GLB1L2: variants seen among roughly 807,000 people sequenced by gnomAD.
GLB1L2 encodes the protein galactosidase beta 1 like 2.
Under a neutral mutation model 84.1 loss-of-function variants are expected in GLB1L2, and 68 were observed. The ratio of observed to expected loss-of-function variants is 0.81; its 90% CI spans 0.67 to 0.99. The LOEUF (loss-of-function observed/expected upper bound fraction) is 0.99. Among genes scored for constraint, GLB1L2 ranks in the 50% least tolerant of loss-of-function variants. The pLI is 0.00. For synonymous variants in GLB1L2, 290 were observed against 318.0 expected, an observed-to-expected ratio of 0.91 and a Z score of 0.94; for missense variants, 762 against 805.6, an observed-to-expected ratio of 0.95 and a Z score of 0.66.
At chr11:134,353,507 T>C (rs1392049651) in intron 5 of GLB1L2, among the ~76,000 whole-genome samples, 3 of 152,214 alleles carry the variant, frequency 2.0e-5, no homozygotes, top group Non-Finnish European at 4.4e-5. Context: ...AAATGTGTAT[T>C]GTGCTACTTT....
chr11:134,349,595 C>T (rs1022623576), intron 5 of GLB1L2, among the ~76,000 whole-genome samples: 2 of 152,198 alleles, frequency 1.3e-5, no homozygotes, highest in Non-Finnish European at 1.5e-5. Flanking sequence ...CACATCCTTG[C>T]CAACACTTGT....
At chr11:134,371,525 G>A in intron 14 of GLB1L2, 33 bp downstream of exon 14, 10 of 1,307,954 alleles carry the variant, frequency 7.6e-6, no homozygotes, top group Non-Finnish European at 1.1e-5. Context: ...GTGATGGCTA[G>A]CCCCCGCTGC....
At chr11:134,364,548 T>A in intron 8 of GLB1L2, 150 bp downstream of exon 8, 1 of 660,596 alleles carries the variant, frequency 1.5e-6, no homozygotes. Context: ...ACTGTGTGCC[T>A]GCAAGGCCCG....
At position 134,370,371 on chromosome 11, in the gene GLB1L2, T is replaced by C; in HGVS notation, c.1187T>C (p.Leu396Pro). 6.2e-7 allele frequency: 1 copy of C among 1,613,580 alleles called. No homozygotes were observed. Among genetic ancestry groups the C allele is most frequent in the Admixed American group, 1.7e-5 (1 of 59,992 alleles). ...TTAACGCCAGTCTTGTACCTGTCTC[T>C]GTGGGACGCCCTCAAGTACCTGGGG... is the stretch of plus-strand genomic sequence containing the variant. ...EPLTPVLYLSLWDALKYLGEP... is the reference protein window; with the variant it reads ...EPLTPVLYLSPWDALKYLGEP... The change falls in exon 12 of 19, where the codon CTG (leucine) becomes CCG (proline). Residue 396 changes from leucine (L) to proline (P), a missense_variant. Transcript: ENST00000535456. The surrounding 1 kb of genome is among the most constrained non-coding windows in gnomAD (Gnocchi z 4.7).
chr11:134,348,279 T>G (rs1452624671), intron 5 of GLB1L2, among the ~76,000 whole-genome samples: 1 of 152,252 alleles, frequency 6.6e-6, no homozygotes, highest in African/African-American at 2.4e-5. Flanking sequence ...TGGGTCATAC[T>G]TACACTAAAA....
At chr11:134,351,815 C>T (rs1943639127) in intron 5 of GLB1L2, among the ~76,000 whole-genome samples, 1 of 152,268 alleles carries the variant, frequency 6.6e-6, no homozygotes, top group African/African-American at 2.4e-5. Context: ...TTTCTTTTCT[C>T]ATAGTGTCTT....
rs1035507728 is a variant in GLB1L2, at chr11:134,374,388, G to A, written c.1707+132G>A. The A allele has an allele frequency of 5.2e-5, 42 of 803,760 alleles. 1 individual carries two copies. Among genetic ancestry groups the A allele is most frequent in the Non-Finnish European group, 8.7e-5 (41 of 473,048 alleles). 49.8% of individuals were successfully genotyped at this position (803,760 alleles called of 1,614,324 possible). ...CCAGAGGGTCTGAGAGGGCCGCTGG[G>A]GCCTCCCTGGGCCAGAGGAGTGGGT... On this transcript the variant is annotated intron_variant, in intron 17 of 18. Coordinates refer to ENST00000535456, the MANE Select transcript of GLB1L2 (RefSeq NM_001370461.1).
intron 7 of GLB1L2, 27 bp from the exon 8 acceptor site, chr11:134,364,299 GTC>G (rs550605133): frequency 4.4e-5 from 70 of 1,577,602 alleles, no homozygotes; most frequent in Admixed American, 6.7e-5. Flanking sequence ...ACAGTGCTTT[GTC>G]TCTCTCTCTC....
intron 4 of GLB1L2, among the ~76,000 whole-genome samples, chr11:134,345,469 C>T (rs1408715184): frequency 1.3e-5 from 2 of 152,174 alleles, no homozygotes; most frequent in East Asian, 1.9e-4. Flanking sequence ...TCCGACCTTC[C>T]CTGTCTGTTT....
chr11:134,359,402 G>A, intron 7 of GLB1L2: 1 of 337,210 alleles, frequency 3.0e-6, no homozygotes, highest in Non-Finnish European at 5.3e-6. Context: ...GCAGATGACT[G>A]CTTCACGTGC....
At chr11:134,336,326 C>A (rs1231380947) in intron 1 of GLB1L2, among the ~76,000 whole-genome samples, 2 of 152,174 alleles carry the variant, frequency 1.3e-5, no homozygotes, top group Admixed American at 6.5e-5. Flanking sequence ...CATTCCTGGC[C>A]CCTAGGCTAG....
chr11:134,367,016 A>T, intron 8 of GLB1L2: 1 of 556,240 alleles, frequency 1.8e-6, no homozygotes, highest in South Asian at 2.0e-5. Context: ...AGGGTTTGCC[A>T]TATCGACTTT....
chr11:134,368,709 G>A lies in GLB1L2; in HGVS notation c.955G>A (p.Gly319Arg), dbSNP rs138130138. The change falls in exon 10 of 19, where the codon GGA (glycine) becomes AGA (arginine). Residue 319 changes from glycine (G) to arginine (R), a missense_variant. Transcript: ENST00000535456. ...CTCCATCAACCTCTACATGTTCCAC[G>A]GAGGCACCAACTTTGGCTTCATGAA... ...GSSINLYMFH[G>R]GTNFGFMNGA... 1.9e-3 allele frequency: 3,134 copies of A among 1,614,002 alleles called. 77 individuals carry two copies. The Admixed American group carries it at 0.047, about 24-fold the overall frequency.
chr11:134,364,789 T>G, intron 8 of GLB1L2: 1 of 176,130 alleles, frequency 5.7e-6, no homozygotes. Context: ...CCTAGAAAGA[T>G]TATTGTCATC....
chr11:134,359,200 G>A (rs1565439237), intron 7 of GLB1L2, 59 bp downstream of exon 7: 12 of 1,236,956 alleles, frequency 9.7e-6, no homozygotes, highest in Middle Eastern at 2.0e-4. Flanking sequence ...GGCTGTGCAC[G>A]CTCCCGCTGT....
intron 5 of GLB1L2, among the ~76,000 whole-genome samples, chr11:134,351,438 C>T (rs1167772760): frequency 6.6e-6 from 1 of 151,532 alleles, no homozygotes; most frequent in Non-Finnish European, 1.5e-5. Context: ...CTCCTCCTCC[C>T]AGGTTCAAGT....
At chr11:134,374,350 G>A in intron 17 of GLB1L2, 94 bp downstream of exon 17, 2 of 1,055,378 alleles carry the variant, frequency 1.9e-6, no homozygotes, top group Admixed American at 1.7e-5. Flanking sequence ...AGAGTCGTTG[G>A]TGGCTTCTGT....
chr11:134,374,602 G>A lies in GLB1L2; in HGVS notation c.1708G>A (p.Gly570Ser), dbSNP rs1456088971. The stretch of plus-strand genomic sequence containing the variant: ...GAACACCCTTCCCCTCTGTTTCAAG[G>A]GCTGGGAGAAGGGGGTTGTATTCAT... ...TPCDTFLKLE[G>S]WEKGVVFING... Residue 570 changes from glycine (G) to serine (S), a missense_variant and splice_region_variant, in exon 18 of 19, where the codon GGC becomes AGC. Gly to Ser is a moderately conservative substitution (Grantham distance 56). Coordinates refer to ENST00000535456, the MANE Select transcript of GLB1L2 (RefSeq NM_001370461.1). 2.5e-6 allele frequency: 4 copies of A among 1,611,944 alleles called. No individual in the cohort carries two copies. Among genetic ancestry groups the A allele is most frequent in the Non-Finnish European group, 3.4e-6 (4 of 1,178,092 alleles).
intron 2 of GLB1L2, among the ~76,000 whole-genome samples, chr11:134,343,664 T>C (rs1032836995): frequency 1.3e-5 from 2 of 152,194 alleles, no homozygotes; most frequent in African/African-American, 4.8e-5. Context: ...TACAGAAACC[T>C]GCCGAGCCTT....
Sources: allele counts gnomAD v4.1 joint callset (sites outside exome capture counted in the v4.1 genomes callset), GRCh38; gene constraint gnomAD v4.1.1; non-coding constraint Gnocchi (gnomAD v3.1); transcripts MANE v1.5; gene names NCBI Gene and HGNC (gene_info 2026-07-23, HGNC 2026-07-21).